Variants in SUGCT observed in about 807,000 individuals in gnomAD.
SUGCT encodes the protein succinyl-CoA:glutarate CoA-transferase.
Under a neutral mutation model 55.0 loss-of-function variants are expected in SUGCT, and 41 were observed. The ratio of observed to expected loss-of-function variants is 0.74; its 90% CI spans 0.58 to 0.97. The LOEUF (loss-of-function observed/expected upper bound fraction) is 0.97, where lower values mean the gene tolerates loss of function less well. Among genes scored for constraint, SUGCT ranks in the 50% least tolerant of loss-of-function variants. The pLI is 0.00. For missense variants in SUGCT, 568 were observed against 547.8 expected, an observed-to-expected ratio of 1.04 and a Z score of -0.37; for synonymous variants, 187 against 200.4, an observed-to-expected ratio of 0.93 and a Z score of 0.56.
At chr7:40,677,366 TG>T (rs1049226685) in intron 12 of SUGCT, among the ~76,000 whole-genome samples, 3 of 152,216 alleles carry the variant, frequency 2.0e-5, no homozygotes, top group Non-Finnish European at 4.4e-5. Flanking sequence ...CTCACCAAAG[TG>T]GTAGGAAGTT....
At chr7:40,479,077 C>T (rs994548689) in intron 11 of SUGCT, among the ~76,000 whole-genome samples, 3 of 151,970 alleles carry the variant, frequency 2.0e-5, no homozygotes, top group South Asian at 2.1e-4. Context: ...TATATATATA[C>T]ACACACATAT....
intron 9 of SUGCT, among the ~76,000 whole-genome samples, chr7:40,385,222 G>A (rs1266406294): frequency 6.6e-6 from 1 of 152,154 alleles, no homozygotes; most frequent in Non-Finnish European, 1.5e-5. Flanking sequence ...GAAGAGAAAA[G>A]GAGGATTCGT....
At chr7:40,768,102 T>C (rs560379367) in intron 13 of SUGCT, among the ~76,000 whole-genome samples, 19 of 152,190 alleles carry the variant, frequency 1.2e-4, no homozygotes, top group African/African-American at 4.3e-4. Context: ...TCTGTAGAAA[T>C]TGGGGAGGAG....
At chr7:40,491,651 G>A (rs1791686187) in intron 11 of SUGCT, among the ~76,000 whole-genome samples, 1 of 138,538 alleles carries the variant, frequency 7.2e-6, no homozygotes, top group African/African-American at 3.1e-5. Flanking sequence ...AAAGAGTACT[G>A]GGAGTGTCAA....
chr7:40,555,822 G>A (rs1270768482), intron 12 of SUGCT, among the ~76,000 whole-genome samples: 1 of 151,862 alleles, frequency 6.6e-6, no homozygotes. Context: ...GAATGGTCTT[G>A]TAGGCTTTCC....
chr7:40,768,963 G>C (rs1341070120), intron 13 of SUGCT, among the ~76,000 whole-genome samples: 2 of 152,142 alleles, frequency 1.3e-5, no homozygotes, highest in African/African-American at 4.8e-5. Context: ...GTGTCTATTA[G>C]GAGAAGTCTT....
At chr7:40,757,036 C>A (rs1788286979) in intron 13 of SUGCT, among the ~76,000 whole-genome samples, 1 of 152,090 alleles carries the variant, frequency 6.6e-6, no homozygotes, top group Non-Finnish European at 1.5e-5. Flanking sequence ...AATCCTTAAC[C>A]CATGGCAGGG....
the SUGCT span, chr7:40,979,618 CTCTTT>C: frequency 6.6e-6 from 1 of 152,152 alleles, no homozygotes; most frequent in Non-Finnish European, 1.5e-5. Context: ...AAGTCAGTTG[CTCTTT>C]TCTTTTGTGG....
At chr7:40,674,559 C>T (rs751437675) in intron 12 of SUGCT, among the ~76,000 whole-genome samples, 3 of 152,152 alleles carry the variant, frequency 2.0e-5, no homozygotes, top group Admixed American at 6.5e-5. Context: ...AGAACCTGGA[C>T]GGGGACCAAA....
intron 9 of SUGCT, among the ~76,000 whole-genome samples, chr7:40,363,926 C>T (rs1362991665): frequency 1.3e-5 from 2 of 152,184 alleles, no homozygotes; most frequent in South Asian, 2.1e-4. Flanking sequence ...TAAAGTCTCC[C>T]GTTATTATTG....
intron 9 of SUGCT, among the ~76,000 whole-genome samples, chr7:40,376,252 TTATG>T (rs1203946815): frequency 2.0e-5 from 3 of 152,246 alleles, no homozygotes; most frequent in Non-Finnish European, 2.9e-5. Flanking sequence ...TTTGCAAATT[TTATG>T]TATGTATCTA....
the SUGCT span, among the ~76,000 whole-genome samples, chr7:40,910,459 T>C: frequency 6.6e-6 from 1 of 152,156 alleles, no homozygotes; most frequent in African/African-American, 2.4e-5. Flanking sequence ...ATATGGAACA[T>C]TTTTATAATG....
At chr7:41,023,975 C>T in the SUGCT span, among the ~76,000 whole-genome samples, 15 of 152,214 alleles carry the variant, frequency 9.9e-5, no homozygotes, top group Middle Eastern at 3.4e-3. Flanking sequence ...ATTAGGCATC[C>T]GTAATCATGA....
chr7:40,177,775 A>C (rs895018258), intron 1 of SUGCT, among the ~76,000 whole-genome samples: 5 of 151,956 alleles, frequency 3.3e-5, no homozygotes, highest in Non-Finnish European at 7.4e-5. Flanking sequence ...TTTGAGATGG[A>C]GTCTCCCTGT....
chr7:40,318,840 A>C (rs1056300521), intron 9 of SUGCT, among the ~76,000 whole-genome samples: 2 of 152,382 alleles, frequency 1.3e-5, no homozygotes, highest in Middle Eastern at 3.4e-3. Flanking sequence ...ACTGTGTTCA[A>C]GCATAAAGTT....
At chr7:40,639,107 G>T (rs764754582) in intron 12 of SUGCT, among the ~76,000 whole-genome samples, 1 of 152,208 alleles carries the variant, frequency 6.6e-6, no homozygotes, top group Non-Finnish European at 1.5e-5. Flanking sequence ...ATCTTGTGCA[G>T]AATGCAGAAT....
intron 11 of SUGCT, among the ~76,000 whole-genome samples, chr7:40,476,435 T>A (rs992632270): frequency 1.4e-4 from 22 of 152,138 alleles, no homozygotes; most frequent in Non-Finnish European, 1.5e-5. Flanking sequence ...AATATGATGA[T>A]GAGGGAAAAA....
intron 8 of SUGCT, 114 bp from the exon 9 acceptor site, chr7:40,316,646 T>G (rs1795446705): frequency 1.6e-6 from 1 of 640,366 alleles, no homozygotes; most frequent in Non-Finnish European, 2.6e-6. Flanking sequence ...GATGGACAGG[T>G]TTTTTTCTTC....
chr7:40,800,882 G>C (rs1053827846), intron 13 of SUGCT, among the ~76,000 whole-genome samples: 11 of 152,160 alleles, frequency 7.2e-5, no homozygotes, highest in Admixed American at 3.3e-4. Context: ...CTAGCCCTAT[G>C]AGGTAGTAGC....
Sources: gnomAD v4.1 joint callset for allele counts (sites outside exome capture counted in the v4.1 genomes callset) on GRCh38, gnomAD v4.1.1 for gene constraint, MANE v1.5 for transcripts, NCBI Gene and HGNC (gene_info 2026-07-23, HGNC 2026-07-21) for gene names.